The following PHACTR1 variants were observed in gnomAD, a reference collection of about 807,000 sequenced individuals.
The protein encoded by PHACTR1 is RPEL repeat containing 1.
In PHACTR1, 16 loss-of-function variants were observed where a neutral mutation model predicts 69.2. The observed-to-expected ratio is 0.23, with a 90% CI of 0.16 to 0.35. PHACTR1 has a LOEUF of 0.35. Ranked by LOEUF, PHACTR1 falls within the 10% of genes least tolerant of loss-of-function variation. The pLI, the probability that PHACTR1 is intolerant of heterozygous loss-of-function variation, is 1.00. For synonymous variants in PHACTR1, 312 were observed against 284.5 expected, an observed-to-expected ratio of 1.10 and a Z score of -0.97; for missense variants, 510 against 734.7, an observed-to-expected ratio of 0.69 and a Z score of 3.54.
intron 4 of PHACTR1, among the ~76,000 whole-genome samples, chr6:12,885,075 C>A (rs1783500830): frequency 6.6e-6 from 1 of 152,206 alleles, no homozygotes; most frequent in Admixed American, 6.5e-5. Context: ...CCCTCTTCAA[C>A]CCACTCAGAG....
Position 13,049,637 on chromosome 6 carries a change from C to T in PHACTR1, c.251-3728C>T, listed in dbSNP as rs148965002. Among the ~76,000 whole-genome samples, 612 of 152,286 alleles carry T rather than the reference C, an allele frequency of 4.0e-3. 3 individuals are homozygous for T. The highest frequency in any genetic ancestry group is 0.014 in the African/African-American group (586 of 41,560). On this transcript the variant is annotated intron_variant, in intron 4 of 14. Transcript: ENST00000332995. Reference sequence around the variant, plus strand: ...GAGATCCCGGGATGAGTGCTTCTACCAGGAGTATTTCATTTTGGCTATAAC... The same window carrying T: ...GAGATCCCGGGATGAGTGCTTCTACTAGGAGTATTTCATTTTGGCTATAAC...
intron 8 of PHACTR1, among the ~76,000 whole-genome samples, chr6:13,220,882 T>C (rs1412252463): frequency 1.3e-5 from 2 of 152,178 alleles, no homozygotes; most frequent in East Asian, 1.9e-4. Flanking sequence ...ATGTGCAATG[T>C]AGAGGTAGAG....
chr6:13,264,194 C>T (rs1776298187), intron 10 of PHACTR1, among the ~76,000 whole-genome samples: 1 of 152,300 alleles, frequency 6.6e-6, no homozygotes, highest in East Asian at 1.9e-4. Flanking sequence ...TGCAAATCTA[C>T]ATGCAACCCA....
chr6:13,146,425 C>G (rs1218576809), intron 5 of PHACTR1, among the ~76,000 whole-genome samples: 1 of 152,184 alleles, frequency 6.6e-6, no homozygotes, highest in Middle Eastern at 3.2e-3. Flanking sequence ...ACCAAAAACC[C>G]TCAATCTAAC....
At chr6:12,843,621 C>T (rs1305550585) in intron 4 of PHACTR1, among the ~76,000 whole-genome samples, 1 of 152,200 alleles carries the variant, frequency 6.6e-6, no homozygotes, top group Non-Finnish European at 1.5e-5. Flanking sequence ...TTGACAACTT[C>T]TTCTCAATGC....
intron 4 of PHACTR1, among the ~76,000 whole-genome samples, chr6:13,029,310 G>A (rs751997823): frequency 2.0e-5 from 3 of 152,142 alleles, no homozygotes; most frequent in South Asian, 2.1e-4. Flanking sequence ...ATAAAGTAAC[G>A]GCAGAGTCTT....
intron 4 of PHACTR1, among the ~76,000 whole-genome samples, chr6:12,829,952 C>T (rs1001130393): frequency 7.5e-5 from 7 of 92,748 alleles, no homozygotes; most frequent in East Asian, 3.3e-4. Context: ...AGCAAGACTC[C>T]GTCAAGAAAG....
At chr6:13,036,049 A>G (rs534652758) in intron 4 of PHACTR1, among the ~76,000 whole-genome samples, 1 of 152,030 alleles carries the variant, frequency 6.6e-6, no homozygotes, top group Admixed American at 6.6e-5. Flanking sequence ...AGGTTCTCAT[A>G]TTTTCTCTAT....
At chr6:12,977,777 A>C (rs1186999441) in intron 4 of PHACTR1, among the ~76,000 whole-genome samples, 4 of 152,202 alleles carry the variant, frequency 2.6e-5, no homozygotes, top group Non-Finnish European at 5.9e-5. Flanking sequence ...GAGGCTTTTA[A>C]AAGTGTGGCT....
intron 4 of PHACTR1, among the ~76,000 whole-genome samples, chr6:12,801,551 G>A (rs768910216): frequency 6.6e-6 from 1 of 152,150 alleles, no homozygotes; most frequent in Non-Finnish European, 1.5e-5. Context: ...AGACTATGAC[G>A]GGGTATGGAT....
intron 4 of PHACTR1, among the ~76,000 whole-genome samples, chr6:12,761,940 C>T (rs74863610): frequency 0.013 from 2,004 of 152,294 alleles, 23 homozygotes; most frequent in South Asian, 0.039. Flanking sequence ...AGCCAGCTGC[C>T]CTGCATTTCT....
At chr6:12,830,867 A>T (rs1777491703) in intron 4 of PHACTR1, among the ~76,000 whole-genome samples, 3 of 152,088 alleles carry the variant, frequency 2.0e-5, no homozygotes, top group Admixed American at 6.5e-5. Flanking sequence ...AAGTGCTGGG[A>T]TTACAGGCAT....
chr6:12,960,393 T>C (rs1748210907), intron 4 of PHACTR1, among the ~76,000 whole-genome samples: 1 of 152,244 alleles, frequency 6.6e-6, no homozygotes, highest in African/African-American at 2.4e-5. Context: ...TAGCTCACAT[T>C]TGTGCTCCTA....
At chr6:13,242,865 T>C (rs1201300253) in intron 10 of PHACTR1, among the ~76,000 whole-genome samples, 5 of 148,468 alleles carry the variant, frequency 3.4e-5, no homozygotes, top group African/African-American at 7.3e-5. Context: ...TTGGAAACTA[T>C]TGATTAAGCA....
intron 4 of PHACTR1, among the ~76,000 whole-genome samples, chr6:12,810,847 T>C (rs1229905629): frequency 6.6e-6 from 1 of 152,256 alleles, no homozygotes; most frequent in Non-Finnish European, 1.5e-5. Flanking sequence ...TGCTATTGTA[T>C]GTCTTCTCCA....
chr6:13,003,326 T>C (rs1798310940), intron 4 of PHACTR1, among the ~76,000 whole-genome samples: 2 of 152,162 alleles, frequency 1.3e-5, no homozygotes, highest in Admixed American at 6.5e-5. Flanking sequence ...TTGTCAAAAT[T>C]TAATAATTCT....
chr6:12,775,680 C>T (rs1249153744), intron 4 of PHACTR1, among the ~76,000 whole-genome samples: 1 of 152,146 alleles, frequency 6.6e-6, no homozygotes, highest in Admixed American at 6.5e-5. Context: ...AATCTCAGAG[C>T]AGGTGGTCTC....
chr6:13,047,223 C>T (rs1168588262), intron 4 of PHACTR1, among the ~76,000 whole-genome samples: 2 of 151,852 alleles, frequency 1.3e-5, no homozygotes, highest in East Asian at 3.9e-4. Context: ...GCTAAAAATA[C>T]AAAAATTAGC....
intron 4 of PHACTR1, among the ~76,000 whole-genome samples, chr6:12,981,939 G>T (rs1217537694): frequency 6.6e-6 from 1 of 152,124 alleles, no homozygotes; most frequent in Non-Finnish European, 1.5e-5. Context: ...GAATCCACCT[G>T]GGCTTGCTTT....
Sources: gnomAD v4.1 joint callset for allele counts (sites outside exome capture counted in the v4.1 genomes callset) on GRCh38, gnomAD v4.1.1 for gene constraint, MANE v1.5 for transcripts, NCBI Gene and HGNC (gene_info 2026-07-23, HGNC 2026-07-21) for gene names.